The following PRDM11 variants were observed in gnomAD, a reference collection of about 807,000 sequenced individuals.
PRDM11 encodes PR domain-containing protein 11.
In PRDM11, 20 loss-of-function variants were observed where a neutral mutation model predicts 97.8. The ratio of observed to expected loss-of-function variants is 0.20; its 90% CI spans 0.14 to 0.30. PRDM11 has a LOEUF of 0.30. PRDM11 is among the 10% of genes least tolerant of loss of function. The probability of loss-of-function intolerance (pLI) is 1.00; values close to 1 mark genes in which losing one functional copy is unlikely to be tolerated. For missense variants in PRDM11, 1,139 were observed against 1,555.2 expected (o/e 0.73, Z 4.50); for synonymous variants, 599 against 637.7 (o/e 0.94, Z 0.91).
chr11:45,159,340 A>G (rs1851877629), intron 1 of PRDM11, among the ~76,000 whole-genome samples: 1 of 152,156 alleles, frequency 6.6e-6, no homozygotes, highest in Non-Finnish European at 1.5e-5. Context: ...CTGGAGCTCA[A>G]TTGTTGCCAC....
chr11:45,208,139 G>C (rs1853581793), intron 5 of PRDM11, among the ~76,000 whole-genome samples: 1 of 152,160 alleles, frequency 6.6e-6, no homozygotes, highest in African/African-American at 2.4e-5. Flanking sequence ...ACAGTCGTGG[G>C]CTTCTCAAAT....
At chr11:45,118,343 G>A (rs867842926) in intron 1 of PRDM11, among the ~76,000 whole-genome samples, 1 of 152,268 alleles carries the variant, frequency 6.6e-6, no homozygotes, top group Non-Finnish European at 1.5e-5. Flanking sequence ...AGTTATGTAG[G>A]ATAATAGTTA....
intron 5 of PRDM11, among the ~76,000 whole-genome samples, chr11:45,211,252 A>C (rs975421413): frequency 1.3e-5 from 2 of 152,272 alleles, no homozygotes; most frequent in Middle Eastern, 3.4e-3. Context: ...ACTCTTACCA[A>C]GCTGGCCCAA....
intron 4 of PRDM11, among the ~76,000 whole-genome samples, chr11:45,199,163 T>C (rs748551941): frequency 6.6e-6 from 1 of 152,226 alleles, no homozygotes; most frequent in Non-Finnish European, 1.5e-5. Context: ...TTTTATGTTA[T>C]TTTTATGAGC....
rs551370856 is a variant in PRDM11, at chr11:45,149,358, T to C, written c.-7+2481T>C. 1.4e-4 allele frequency among the ~76,000 whole-genome samples: 21 copies of C among 152,308 alleles called. 1 individual carries two copies. The East Asian group carries it at 3.3e-3, about 24-fold the overall frequency. On this transcript the variant is annotated intron_variant, in intron 1 of 7. Coordinates refer to ENST00000683152, the MANE Select transcript of PRDM11 (RefSeq NM_001384648.1). ...CTGCCCTTGACCTCATCTTCTATCC[T>C]CTCCTAGATCTCTCTGAACTCCATA... is the stretch of plus-strand genomic sequence containing the variant.
chr11:45,120,004 G>A (rs1383746045), intron 1 of PRDM11, among the ~76,000 whole-genome samples: 1 of 152,142 alleles, frequency 6.6e-6, no homozygotes, highest in East Asian at 1.9e-4. Context: ...GCGCAAGATG[G>A]ATTAAAAAGT....
chr11:45,154,586 T>G (rs971061648), intron 1 of PRDM11, among the ~76,000 whole-genome samples: 2 of 152,044 alleles, frequency 1.3e-5, no homozygotes, highest in East Asian at 3.9e-4. Flanking sequence ...GTGCTAGTGG[T>G]AGGGGGGTCC....
upstream of PRDM11, among the ~76,000 whole-genome samples, chr11:45,095,555 C>T (rs889945021): frequency 2.6e-5 from 4 of 152,196 alleles, no homozygotes; most frequent in African/African-American, 9.7e-5. Context: ...GAACGCACCC[C>T]TAATTTGGTG....
chr11:45,216,454 T>G (rs1853959992), intron 5 of PRDM11, among the ~76,000 whole-genome samples: 1 of 152,032 alleles, frequency 6.6e-6, no homozygotes, highest in East Asian at 1.9e-4. Flanking sequence ...GGGGTTGTTG[T>G]GAATGGGGAC....
intron 5 of PRDM11, among the ~76,000 whole-genome samples, chr11:45,215,446 C>A (rs533734035): frequency 1.5e-4 from 23 of 152,336 alleles, no homozygotes; most frequent in Middle Eastern, 3.4e-3. Flanking sequence ...GCAAAGATGT[C>A]GTGAAACCAT....
chr11:45,202,507 G>A (rs1853365356), intron 4 of PRDM11, among the ~76,000 whole-genome samples: 1 of 152,172 alleles, frequency 6.6e-6, no homozygotes, highest in Non-Finnish European at 1.5e-5. Flanking sequence ...CATATTCAAA[G>A]CTTAGTGGGA....
rs1416910871 is a variant in PRDM11 at position 45,226,151 on chromosome 11, A to C, written c.1526A>C (p.Gln509Pro). 1 of 1,533,428 alleles carries C rather than the reference A, an allele frequency of 6.5e-7. No homozygotes were observed. Among genetic ancestry groups the C allele is most frequent in the Non-Finnish European group, 8.7e-7 (1 of 1,146,238 alleles). 95.0% of individuals were successfully genotyped at this position (1,533,428 alleles called of 1,614,324 possible). The change falls in exon 8 of 8, where the codon CAG (glutamine) becomes CCG (proline). Residue 509 changes from glutamine (Q) to proline (P), a missense_variant. Coordinates refer to ENST00000683152, the MANE Select transcript of PRDM11 (RefSeq NM_001384648.1). ...GGGCGCCGAATCCGGCGCTTTAAGC[A>C]GGAATGGCTGAAGAAGTTCTGGTTC... ...ATGRRIRRFK[Q>P]EWLKKFWFLR...
chr11:45,128,469 T>C (rs921079853), intron 1 of PRDM11, among the ~76,000 whole-genome samples: 14 of 152,100 alleles, frequency 9.2e-5, no homozygotes, highest in Admixed American at 6.5e-5. Context: ...ACCGGAGCTC[T>C]TCCTATTCAG....
In PRDM11 at chr11:45,194,484, GAACAACAAT is replaced by G. The variant is rs1853029166; in HGVS notation, c.487-10215_487-10207del. ...TCCAAAGATGCTAGTTAGGGTTGAT[GAACAACAAT>G]AACAACAATAATAGTAGTAACAATA... On this transcript the variant is annotated intron_variant, in intron 4 of 7. Transcript: ENST00000683152. Among the ~76,000 whole-genome samples, 7 of 150,554 alleles carry G rather than the reference GAACAACAAT, an allele frequency of 4.6e-5. No homozygotes were observed. The South Asian group carries it at 8.4e-4, about 18-fold the overall frequency.
chr11:45,201,482 CTTCT>C (rs1008916893), intron 4 of PRDM11, among the ~76,000 whole-genome samples: 34 of 150,696 alleles, frequency 2.3e-4, no homozygotes, highest in African/African-American at 8.1e-4. Context: ...TCCTTCTTTC[CTTCT>C]TTCTTTCTTC....
intron 6 of PRDM11, among the ~76,000 whole-genome samples, chr11:45,223,556 C>T (rs1409102641): frequency 1.3e-5 from 2 of 152,162 alleles, no homozygotes; most frequent in Non-Finnish European, 2.9e-5. Context: ...CCCTCAGCGC[C>T]ATAGGTCTCC....
rs545882944 is a variant in PRDM11 at position 45,166,662 on chromosome 11, T to A, written c.-6-15099T>A. 9.8e-5 allele frequency among the ~76,000 whole-genome samples: 15 copies of A among 152,378 alleles called. No individual in the cohort carries two copies. The South Asian group carries it at 2.5e-3, about 25-fold the overall frequency. On this transcript the variant is annotated intron_variant, in intron 1 of 7. Transcript: ENST00000683152. ...GGACAGTGCCTGGCACTTGGTAGGA[T>A]GTGAACACAGAAGAGTGAGTGAACA...
chr11:45,207,377 A>G (rs1362168087), intron 5 of PRDM11, among the ~76,000 whole-genome samples: 4 of 152,202 alleles, frequency 2.6e-5, no homozygotes, highest in African/African-American at 9.6e-5. Context: ...TGACAGCCCC[A>G]TCTAGGTGAT....
At chr11:45,218,798 G>A (rs1172073135) in intron 5 of PRDM11, among the ~76,000 whole-genome samples, 10 of 152,216 alleles carry the variant, frequency 6.6e-5, no homozygotes, top group African/African-American at 2.4e-4. Flanking sequence ...GAACTTTAAA[G>A]GTTTTCTGGG....
Sources: allele counts gnomAD v4.1 joint callset (sites outside exome capture counted in the v4.1 genomes callset), GRCh38; gene constraint gnomAD v4.1.1; transcripts MANE v1.5; gene names NCBI Gene and HGNC (gene_info 2026-07-23, HGNC 2026-07-21).